The following ZDHHC19 variants were observed in gnomAD, a reference collection of about 807,000 sequenced individuals.
ZDHHC19 encodes zDHHC palmitoyltransferase 19.
Under a neutral mutation model 33.9 loss-of-function variants are expected in ZDHHC19, and 30 were observed. That is an observed-to-expected ratio of 0.88 (90% CI 0.66 to 1.20). The LOEUF is 1.20. Among genes scored for constraint, ZDHHC19 ranks in the 50% most tolerant of loss-of-function variants. The pLI is 0.00. For missense variants in ZDHHC19, 364 were observed against 401.1 expected (o/e 0.91, Z 0.79); for synonymous variants, 178 against 167.6 (o/e 1.06, Z -0.48).
chr3:196,199,115 G>T lies in ZDHHC19; in HGVS notation c.688-241C>A, dbSNP rs143234483. Among the ~76,000 whole-genome samples, 4 of 152,338 alleles carry T rather than the reference G, an allele frequency of 2.6e-5. No individual in the cohort carries two copies. The East Asian group carries it at 7.7e-4, about 29-fold the overall frequency. ...AGATACTGAATGTCACTGTCTGGAA[G>T]GTCAGTTGAGCAAGGCCCAGTCGTA... On this transcript the variant is annotated intron_variant, in intron 5 of 7. Transcript: ENST00000296326.
intron 5 of ZDHHC19, among the ~76,000 whole-genome samples, chr3:196,204,562 C>T (rs1294876228): frequency 6.6e-6 from 1 of 152,134 alleles, no homozygotes; most frequent in African/African-American, 2.4e-5. Context: ...TTGGAACAGA[C>T]ACTTCACCAT....
intron 5 of ZDHHC19, among the ~76,000 whole-genome samples, chr3:196,206,830 A>T (rs180883506): frequency 6.6e-6 from 1 of 152,030 alleles, no homozygotes; most frequent in Non-Finnish European, 1.5e-5. Context: ...GAAGCAGTCG[A>T]CTTGGTTGCC....
chr3:196,207,367 G>A, intron 5 of ZDHHC19, 31 bp downstream of exon 5: 1 of 1,538,080 alleles, frequency 6.5e-7, no homozygotes, highest in Non-Finnish European at 8.8e-7. Flanking sequence ...GGTCCCCGAG[G>A]TGCAAGCTGA....
intron 5 of ZDHHC19, among the ~76,000 whole-genome samples, chr3:196,205,581 G>A (rs956465431): frequency 2.0e-5 from 3 of 152,188 alleles, no homozygotes; most frequent in African/African-American, 7.2e-5. Context: ...GACTGTATCC[G>A]TGTGTCAGAA....
At chr3:196,200,662 T>TTTTTTTTTTAGACGCAGTTTTGCTCTTG (rs1722267061) in intron 5 of ZDHHC19, among the ~76,000 whole-genome samples, 1 of 150,370 alleles carries the variant, frequency 6.7e-6, no homozygotes, top group African/African-American at 2.5e-5. Flanking sequence ...CCTTTTTTTT[T>TTTTTTTTTTAGACGCAGTTTTGCTCTTG]TTTTTTTTTA....
At chr3:196,207,532 G>C (rs1430610463) in intron 4 of ZDHHC19, 29 bp from the exon 5 acceptor site, 3 of 1,517,028 alleles carry the variant, frequency 2.0e-6, no homozygotes, top group Non-Finnish European at 2.7e-6. Context: ...CGGGCTGCGG[G>C]ACCCCCACGC....
intron 5 of ZDHHC19, among the ~76,000 whole-genome samples, chr3:196,200,344 G>GTA (rs980091923): frequency 3.8e-4 from 16 of 41,658 alleles, no homozygotes; most frequent in African/African-American, 9.9e-4. Flanking sequence ...ATATATATAT[G>GTA]TATATATATA....
rs1443658580 is a variant in ZDHHC19, at chr3:196,198,432, G to A, written c.793C>T (p.Gln265Ter). 2.6e-6 allele frequency: 4 copies of A among 1,563,346 alleles called. No individual in the cohort carries two copies. Among genetic ancestry groups the A allele is most frequent in the Non-Finnish European group, 3.5e-6 (4 of 1,154,266 alleles). ...LGPKYMAEAV[Q>*]LQRVVGPDWT... ...TCAGGCCCCACCACTCTCTGCAGCTGGACAGCTTCAGCCATGTACCTGGGG... is the reference window on the plus strand; with the variant it reads ...TCAGGCCCCACCACTCTCTGCAGCTAGACAGCTTCAGCCATGTACCTGGGG... The change falls in exon 7 of 8, where the codon CAG becomes TAG. Residue 265 changes from glutamine to a stop codon, truncating the protein, a stop_gained. Transcript: ENST00000296326. LOFTEE classifies it high-confidence loss of function.
At chr3:196,198,158 C>T (rs74555821) in intron 7 of ZDHHC19, 118 bp downstream of exon 7, 64,975 of 1,039,026 alleles carry the variant, frequency 0.063, 2,446 homozygotes, top group Middle Eastern at 0.12. Context: ...CCCCCAAGCT[C>T]GGAGCGCTCC....
At chr3:196,209,295 C>A in intron 3 of ZDHHC19, 81 bp downstream of exon 3, 2 of 1,506,126 alleles carry the variant, frequency 1.3e-6, no homozygotes, top group South Asian at 2.6e-5. Context: ...TCACACCCAG[C>A]CCTGGCCCCT....
At position 196,198,379 on chromosome 3, in the gene ZDHHC19, A is replaced by T. The variant is rs1721971144; in HGVS notation, c.846T>A (p.Pro282=). 6.5e-7 allele frequency: 1 copy of T among 1,534,846 alleles called. No individual in the cohort carries two copies. Among genetic ancestry groups the T allele is most frequent in the South Asian group, 1.3e-5 (1 of 78,562 alleles). ...GGTTGAGAGCAGAGGGGGACATTGG[A>T]GGGTGCAGATTCGGCATGGATGTCC... ...PDWTSMPNLH[P]PMSPSALNPP... The change falls in exon 7 of 8, where the codon CCT becomes CCA. Residue 282 remains proline, a synonymous_variant. Coordinates refer to ENST00000296326, the MANE Select transcript of ZDHHC19 (RefSeq NM_001039617.2).
chr3:196,199,850 C>G (rs1722119313), intron 5 of ZDHHC19, among the ~76,000 whole-genome samples: 2 of 151,848 alleles, frequency 1.3e-5, no homozygotes, highest in African/African-American at 2.4e-5. Context: ...GAGGCTGAGA[C>G]AGAAGAATCG....
chr3:196,199,271 T>C (rs1261494532), intron 5 of ZDHHC19: 1 of 208,052 alleles, frequency 4.8e-6, no homozygotes, highest in African/African-American at 2.3e-5. Flanking sequence ...TCTCTCCCCT[T>C]CGCCCACTCA....
rs1034742947 is a variant in ZDHHC19, at chr3:196,211,201, C to G, written c.115G>C (p.Val39Leu). 3 of 1,614,058 alleles carry G rather than the reference C, an allele frequency of 1.9e-6. No homozygotes were observed. The African/African-American group carries it at 4.0e-5, about 22-fold the overall frequency. ...LFAAFNVVLL[V>L]FFSGLFFAFP... is the part of the protein sequence containing the mutation. ...GCGAAGAAGAGGCCACTGAAAAAGA[C>G]CAGCAGCACCACATTGAAGGCAGCA... is the stretch of plus-strand genomic sequence containing the variant. The change falls in exon 1 of 8, where the codon GTC becomes CTC. Residue 39 changes from valine to leucine, a missense_variant. Transcript: ENST00000296326.
chr3:196,210,336 AG>A (rs1195723611), intron 2 of ZDHHC19, among the ~76,000 whole-genome samples: 33 of 135,548 alleles, frequency 2.4e-4, no homozygotes, highest in South Asian at 1.8e-3. Context: ...AAAGAAAGAA[AG>A]AAAGAAAAGA....
intron 4 of ZDHHC19, among the ~76,000 whole-genome samples, chr3:196,207,869 T>C (rs1722896788): frequency 1.5e-5 from 2 of 129,342 alleles, no homozygotes; most frequent in Non-Finnish European, 3.3e-5. Context: ...CACCCCGCTG[T>C]CCCCGCCCGT....
In ZDHHC19 at chr3:196,203,950, C is replaced by T. The variant is rs937535503; in HGVS notation, c.687+3448G>A. ...TGCAGCTCCTCCCTCATCAATGCTG[C>T]CCATCAGTTTTCCTAGAACAGCCAG... is the stretch of plus-strand genomic sequence containing the variant. On this transcript the variant is annotated intron_variant, in intron 5 of 7. Coordinates refer to ENST00000296326, the MANE Select transcript of ZDHHC19 (RefSeq NM_001039617.2). The surrounding 1 kb of genome is among the most constrained non-coding windows in gnomAD (Gnocchi z 4.3). Among the ~76,000 whole-genome samples, 1 of 152,166 alleles carries T rather than the reference C, an allele frequency of 6.6e-6. No individual in the cohort carries two copies. The highest frequency in any genetic ancestry group is 2.4e-5 in the African/African-American group (1 of 41,416).
At chr3:196,209,162 T>C in intron 3 of ZDHHC19, 1 of 642,662 alleles carries the variant, frequency 1.6e-6, no homozygotes, top group Non-Finnish European at 2.6e-6. Flanking sequence ...GCCCTGTGCA[T>C]GTCAGCACCT....
chr3:196,201,082 C>CT (rs1560131991), intron 5 of ZDHHC19, among the ~76,000 whole-genome samples: 3 of 150,932 alleles, frequency 2.0e-5, no homozygotes, highest in South Asian at 2.1e-4. Context: ...ATACATTTTT[C>CT]TTTTTTTTGA....
Sources: allele counts gnomAD v4.1 joint callset (sites outside exome capture counted in the v4.1 genomes callset), GRCh38; gene constraint gnomAD v4.1.1; non-coding constraint Gnocchi (gnomAD v3.1); transcripts MANE v1.5; gene names NCBI Gene and HGNC (gene_info 2026-07-23, HGNC 2026-07-21).